SCHIP1: variants seen among roughly 807,000 people sequenced by gnomAD.
SCHIP1 encodes the protein schwannomin-interacting protein 1.
A neutral mutation model predicts 29.7 loss-of-function variants in SCHIP1; 8 were observed. The observed-to-expected ratio is 0.27, with a 90% CI of 0.16 to 0.49. The LOEUF (loss-of-function observed/expected upper bound fraction) is 0.49, where lower values mean the gene tolerates loss of function less well. Among genes scored for constraint, SCHIP1 ranks in the 20% least tolerant of loss-of-function variants. The probability of loss-of-function intolerance (pLI) is 0.99; values close to 1 mark genes in which losing one functional copy is unlikely to be tolerated. For missense variants in SCHIP1, 193 were observed against 294.6 expected, an observed-to-expected ratio of 0.66 and a Z score of 2.52; for synonymous variants, 76 against 94.9, an observed-to-expected ratio of 0.80 and a Z score of 1.16.
At chr3:159,606,654 C>G in the SCHIP1 span, among the ~76,000 whole-genome samples, 1 of 152,172 alleles carries the variant, frequency 6.6e-6, no homozygotes, top group Non-Finnish European at 1.5e-5. Flanking sequence ...AAGCTGTTAC[C>G]ACCCAGGCCT....
the SCHIP1 span, among the ~76,000 whole-genome samples, chr3:159,504,761 G>A: frequency 6.6e-6 from 1 of 152,052 alleles, no homozygotes; most frequent in East Asian, 1.9e-4. Flanking sequence ...TCATGTGCCA[G>A]ATACAAGGAA....
At chr3:159,438,173 C>T in the SCHIP1 span, among the ~76,000 whole-genome samples, 122 of 152,216 alleles carry the variant, frequency 8.0e-4, 1 homozygote, top group Middle Eastern at 3.4e-3. Flanking sequence ...CACAGAAGTT[C>T]ACATATAAAA....
At chr3:159,478,102 T>A in the SCHIP1 span, among the ~76,000 whole-genome samples, 1 of 151,976 alleles carries the variant, frequency 6.6e-6, no homozygotes, top group Admixed American at 6.6e-5. Flanking sequence ...TTTGTATTTT[T>A]AGTAGAGATG....
the SCHIP1 span, among the ~76,000 whole-genome samples, chr3:159,741,899 C>T: frequency 1.3e-5 from 2 of 152,180 alleles, no homozygotes; most frequent in Non-Finnish European, 2.9e-5. Context: ...TCAGGGAGCA[C>T]TGTGCATGAG....
the SCHIP1 span, among the ~76,000 whole-genome samples, chr3:159,786,202 T>A: frequency 2.6e-5 from 4 of 152,196 alleles, no homozygotes; most frequent in Non-Finnish European, 5.9e-5. Flanking sequence ...ATCTGTTAAT[T>A]CTTTATTGGT....
chr3:159,538,900 A>G, the SCHIP1 span, among the ~76,000 whole-genome samples: 1 of 152,206 alleles, frequency 6.6e-6, no homozygotes, highest in South Asian at 2.1e-4. Flanking sequence ...ATCCTTTCAT[A>G]TATGCTATCT....
the SCHIP1 span, among the ~76,000 whole-genome samples, chr3:159,491,478 G>A: frequency 6.6e-6 from 1 of 152,186 alleles, no homozygotes; most frequent in South Asian, 2.1e-4. Flanking sequence ...GGCTTGGAGG[G>A]TCCTAGGCCC....
chr3:159,300,499 A>G, the SCHIP1 span, among the ~76,000 whole-genome samples: 1 of 151,984 alleles, frequency 6.6e-6, no homozygotes, highest in South Asian at 2.1e-4. Flanking sequence ...GTATTGGTGA[A>G]TTTTTCCAGC....
At chr3:159,842,997 CTTTCTTTTTTTTTTTTT>C (rs1273435589) in intron 1 of SCHIP1, among the ~76,000 whole-genome samples, 5 of 61,742 alleles carry the variant, frequency 8.1e-5, no homozygotes, top group East Asian at 4.1e-4. Context: ...CCCAATATTT[CTTTCTTTTTTTTTTTTT>C]TTTTTTTTTT....
At chr3:159,587,207 T>C in the SCHIP1 span, among the ~76,000 whole-genome samples, 1 of 152,340 alleles carries the variant, frequency 6.6e-6, no homozygotes, top group African/African-American at 2.4e-5. Context: ...CCTCATGTGA[T>C]TCTGATGCAC....
chr3:159,374,465 T>G, the SCHIP1 span, among the ~76,000 whole-genome samples: 1 of 152,244 alleles, frequency 6.6e-6, no homozygotes. Flanking sequence ...AGTAGATTAG[T>G]TATAGGAAAA....
chr3:159,582,418 C>T, the SCHIP1 span, among the ~76,000 whole-genome samples: 3 of 152,136 alleles, frequency 2.0e-5, no homozygotes, highest in African/African-American at 7.2e-5. Flanking sequence ...CCTCCTGCCT[C>T]GGCCTCCCAA....
At chr3:159,708,235 C>T in the SCHIP1 span, among the ~76,000 whole-genome samples, 2 of 152,194 alleles carry the variant, frequency 1.3e-5, no homozygotes, top group Admixed American at 1.3e-4. Flanking sequence ...TACACACTCA[C>T]TCCAAATGTA....
the SCHIP1 span, among the ~76,000 whole-genome samples, chr3:159,349,527 T>C: frequency 6.6e-6 from 1 of 152,306 alleles, no homozygotes; most frequent in Non-Finnish European, 1.5e-5. Context: ...AGAAAATGTA[T>C]GTCAAAAACT....
the SCHIP1 span, among the ~76,000 whole-genome samples, chr3:159,535,351 C>T: frequency 6.6e-6 from 1 of 152,134 alleles, no homozygotes; most frequent in Non-Finnish European, 1.5e-5. Context: ...TCTCTCAGGT[C>T]ACTATCCTAA....
At chr3:159,552,194 C>A in the SCHIP1 span, among the ~76,000 whole-genome samples, 1 of 151,780 alleles carries the variant, frequency 6.6e-6, no homozygotes, top group Non-Finnish European at 1.5e-5. Context: ...TACAGGTGCA[C>A]GCCACCACGT....
intron 2 of SCHIP1, among the ~76,000 whole-genome samples, chr3:159,868,662 G>T (rs1714915607): frequency 6.6e-6 from 1 of 152,024 alleles, no homozygotes; most frequent in Non-Finnish European, 1.5e-5. Context: ...GTATTCCAGT[G>T]TGTGAATATA....
At chr3:159,276,883 G>A in the SCHIP1 span, among the ~76,000 whole-genome samples, 1 of 152,126 alleles carries the variant, frequency 6.6e-6, no homozygotes, top group Non-Finnish European at 1.5e-5. Context: ...ACACATCCAG[G>A]CAGCCAGTCC....
chr3:159,558,840 A>G, the SCHIP1 span, among the ~76,000 whole-genome samples: 1 of 152,078 alleles, frequency 6.6e-6, no homozygotes, highest in Non-Finnish European at 1.5e-5. Flanking sequence ...CTCCATTGTA[A>G]TCCCATTAAG....
Sources: gnomAD v4.1 joint callset for allele counts (sites outside exome capture counted in the v4.1 genomes callset) on GRCh38, gnomAD v4.1.1 for gene constraint, MANE v1.5 for transcripts, NCBI Gene and HGNC (gene_info 2026-07-23, HGNC 2026-07-21) for gene names.